Variants in RPS6KA5 observed in about 807,000 individuals in gnomAD.
The protein encoded by RPS6KA5 is ribosomal protein S6 kinase alpha-5.
A neutral mutation model predicts 85.5 loss-of-function variants in RPS6KA5; 27 were observed. The ratio of observed to expected loss-of-function variants is 0.32; its 90% CI spans 0.23 to 0.44. The LOEUF (loss-of-function observed/expected upper bound fraction) is 0.44. Among genes scored for constraint, RPS6KA5 ranks in the 20% least tolerant of loss-of-function variants. The pLI is 1.00. For missense variants in RPS6KA5, 811 were observed against 980.9 expected, an observed-to-expected ratio of 0.83 and a Z score of 2.31; for synonymous variants, 334 against 348.2, an observed-to-expected ratio of 0.96 and a Z score of 0.46.
rs182597319 is a variant in RPS6KA5, at chr14:90,988,209, T to C, written c.176-9685A>G. Among the ~76,000 whole-genome samples the C allele has an allele frequency of 3.3e-5, 5 of 152,370 alleles. No individual in the cohort carries two copies. The East Asian group carries it at 9.6e-4, about 29-fold the overall frequency. ...CCTTTGGTGGTTGTTATTTCTCTAT[T>C]TACTGCAGGACACATTTTAGGCTTT... On this transcript the variant is annotated intron_variant, in intron 2 of 16. Transcript: ENST00000614987.
intron 4 of RPS6KA5, among the ~76,000 whole-genome samples, chr14:90,946,696 C>T (rs890182626): frequency 3.2e-4 from 48 of 152,284 alleles, no homozygotes; most frequent in African/African-American, 1.1e-3. Context: ...TTAAAAATTA[C>T]TTGAGTACTT....
At chr14:90,996,295 T>G (rs1006142803) in intron 2 of RPS6KA5, among the ~76,000 whole-genome samples, 1 of 151,524 alleles carries the variant, frequency 6.6e-6, no homozygotes, top group African/African-American at 2.4e-5. Flanking sequence ...CCTCAGCCTC[T>G]CAAAGTGCTG....
At position 91,025,434 on chromosome 14, in the gene RPS6KA5, ACT is replaced by A. The variant is rs559244061; in HGVS notation, c.104-24277_104-24276del. On this transcript the variant is annotated intron_variant, in intron 1 of 16. Coordinates refer to ENST00000614987, the MANE Select transcript of RPS6KA5 (RefSeq NM_004755.4). The stretch of plus-strand genomic sequence containing the variant: ...GCAGAAGAGCCCTATGAAATTTGGT[ACT>A]GTTTTCCTTTCCCTAATTACATGTA... 2.2e-3 allele frequency among the ~76,000 whole-genome samples: 332 copies of A among 152,282 alleles called. 5 individuals are homozygous for A. The highest frequency in any genetic ancestry group is 7.7e-3 in the African/African-American group (318 of 41,564).
intron 3 of RPS6KA5, among the ~76,000 whole-genome samples, chr14:90,951,480 CA>C (rs774538620): frequency 8.6e-5 from 13 of 151,544 alleles, no homozygotes; most frequent in African/African-American, 2.9e-4. Context: ...ATCTCAACAA[CA>C]AAAAAACAAA....
intron 5 of RPS6KA5, among the ~76,000 whole-genome samples, chr14:90,927,490 T>C (rs576091050): frequency 2.1e-4 from 32 of 152,004 alleles, no homozygotes; most frequent in Admixed American, 1.4e-3. Flanking sequence ...CAAAGAAAGA[T>C]TGAAAGTAAA....
intron 2 of RPS6KA5, among the ~76,000 whole-genome samples, chr14:90,984,907 T>C (rs948309442): frequency 1.3e-5 from 2 of 152,218 alleles, no homozygotes; most frequent in African/African-American, 4.8e-5. Context: ...TTTGCAAAAT[T>C]TGAATTTATT....
At chr14:90,934,626 T>C (rs889267890) in intron 5 of RPS6KA5, among the ~76,000 whole-genome samples, 2 of 152,204 alleles carry the variant, frequency 1.3e-5, no homozygotes, top group African/African-American at 4.8e-5. Flanking sequence ...TTGTCCCTGC[T>C]TGTTCTGTGT....
At chr14:90,886,489 C>CT (rs1555357465) in intron 14 of RPS6KA5, among the ~76,000 whole-genome samples, 3 of 152,124 alleles carry the variant, frequency 2.0e-5, no homozygotes, top group Non-Finnish European at 4.4e-5. Context: ...AGGGAGGTAA[C>CT]TAAGGTTAAA....
intron 3 of RPS6KA5, among the ~76,000 whole-genome samples, chr14:90,969,174 T>TTGAAC (rs1307909675): frequency 6.6e-6 from 1 of 152,192 alleles, no homozygotes; most frequent in Non-Finnish European, 1.5e-5. Context: ...TTCTGAGAAT[T>TTGAAC]TGAACTGAAG....
chr14:90,983,969 G>C (rs140781751), intron 2 of RPS6KA5, among the ~76,000 whole-genome samples: 6 of 151,884 alleles, frequency 4.0e-5, no homozygotes, highest in Non-Finnish European at 7.4e-5. Flanking sequence ...CCCAGCCTCC[G>C]GATTAGCTGG....
chr14:90,962,161 T>G (rs2038829071), intron 3 of RPS6KA5, among the ~76,000 whole-genome samples: 1 of 152,190 alleles, frequency 6.6e-6, no homozygotes, highest in Admixed American at 6.5e-5. Flanking sequence ...CCCCTTGTGT[T>G]CCACGGGCTT....
In RPS6KA5 at chr14:90,857,293, G is replaced by A. The variant is rs2032330108; in HGVS notation, c.*14781C>T. The A allele has an allele frequency of 6.6e-6, 1 of 152,146 alleles. No individual in the cohort carries two copies. Among genetic ancestry groups the A allele is most frequent in the African/African-American group, 2.4e-5 (1 of 41,418 alleles). The allele number at this position is 152,146 out of a possible 1,614,324, so 9.4% of individuals were successfully genotyped here. A position where few individuals can be genotyped will look rare whatever the true frequency, so the allele number is the denominator to read the frequency against. ...ATTATATTTTTATCTTGGTAACACT[G>A]AAATTTATGCTATTCTGGAAGACAA... On this transcript the variant is annotated 3_prime_UTR_variant, in exon 17 of 17. Coordinates refer to ENST00000614987, the MANE Select transcript of RPS6KA5 (RefSeq NM_004755.4).
intron 4 of RPS6KA5, among the ~76,000 whole-genome samples, chr14:90,945,149 G>A (rs2037808018): frequency 6.6e-6 from 1 of 151,534 alleles, no homozygotes; most frequent in Non-Finnish European, 1.5e-5. Flanking sequence ...CTACTCAGGA[G>A]GCTGAGGTAG....
rs1213759973 is a variant in RPS6KA5, at chr14:90,848,919, G to A, written c.*23155C>T. On this transcript the variant is annotated 3_prime_UTR_variant, in exon 17 of 17. Coordinates refer to ENST00000614987, the MANE Select transcript of RPS6KA5 (RefSeq NM_004755.4). ...ACCTAGGGGGAAGGTGAGCTCCTGGGACATAAATACGCAGGGAAAGAACCT... is the reference window on the plus strand; with the variant it reads ...ACCTAGGGGGAAGGTGAGCTCCTGGAACATAAATACGCAGGGAAAGAACCT... 2 of 152,064 alleles carry A rather than the reference G, an allele frequency of 1.3e-5. No individual in the cohort carries two copies. The highest frequency in any genetic ancestry group is 4.8e-5 in the African/African-American group (2 of 41,390). The allele number at this position is 152,064 out of a possible 1,614,324, so 9.4% of individuals were successfully genotyped here. A position where few individuals can be genotyped will look rare whatever the true frequency, so the allele number is the denominator to read the frequency against.
chr14:90,899,754 T>C (rs1309954348), intron 11 of RPS6KA5, among the ~76,000 whole-genome samples: 2 of 152,218 alleles, frequency 1.3e-5, no homozygotes, highest in East Asian at 1.9e-4. Context: ...AAGCTATCAG[T>C]AGCTTGCTAA....
At position 90,891,630 on chromosome 14, in the gene RPS6KA5, T is replaced by TA. The variant is rs565299138; in HGVS notation, c.1645-953dup. Among the ~76,000 whole-genome samples, 387 of 152,288 alleles carry TA rather than the reference T, an allele frequency of 2.5e-3. 2 individuals are homozygous for TA. Among genetic ancestry groups the TA allele is most frequent in the Non-Finnish European group, 4.2e-3 (283 of 68,020 alleles). ...TTTGTTAATACTATTCTAGCTGAAA[T>TA]AAAACACATTATAGATGGTATCACT... On this transcript the variant is annotated intron_variant, in intron 13 of 16. Transcript: ENST00000614987.
Position 90,902,951 on chromosome 14 carries a change from A to C in RPS6KA5, c.976T>G (p.Leu326Val), listed in dbSNP as rs768059667. The change falls in exon 9 of 17, where the codon TTA becomes GTA. Residue 326 changes from leucine (L) to valine (V), a missense_variant. This residue lies in a region of RPS6KA5 where 650 missense variants were observed against 793.4 expected (regional missense o/e 0.82). Transcript: ENST00000614987. Reference protein sequence around the residue: ...LFFQKINWDDLAAKKVPAPFK... With the variant: ...LFFQKINWDDVAAKKVPAPFK... ...GGTGCAGGCACTTTTTTGGCGGCTAAATCATCCCAATTTATTTTCTAAAAC... is the reference window on the plus strand; with the variant it reads ...GGTGCAGGCACTTTTTTGGCGGCTACATCATCCCAATTTATTTTCTAAAAC... 1.2e-6 allele frequency: 2 copies of C among 1,611,828 alleles called. No homozygotes were observed. Among genetic ancestry groups the C allele is most frequent in the East Asian group, 2.2e-5 (1 of 44,834 alleles).
intron 5 of RPS6KA5, among the ~76,000 whole-genome samples, chr14:90,940,964 C>G (rs924592567): frequency 3.3e-5 from 5 of 152,174 alleles, no homozygotes; most frequent in Admixed American, 6.5e-5. Flanking sequence ...AAATGTCTCT[C>G]AGGAAACCAG....
Position 90,856,825 on chromosome 14 carries a change from TC to T in RPS6KA5, c.*15248del. The T allele has an allele frequency of 6.2e-6, 1 of 161,850 alleles. No individual in the cohort carries two copies. Among genetic ancestry groups the T allele is most frequent in the South Asian group, 1.8e-4 (1 of 5,500 alleles). 10.0% of individuals were successfully genotyped at this position (161,850 alleles called of 1,614,324 possible). ...CCTGTATACATTGTCACTCCCTATT[TC>T]CCCCTCCCACCAGCCCCTGAAAAAC... On this transcript the variant is annotated 3_prime_UTR_variant, in exon 17 of 17. Coordinates refer to ENST00000614987, the MANE Select transcript of RPS6KA5 (RefSeq NM_004755.4).
Sources: gnomAD v4.1 joint callset for allele counts (sites outside exome capture counted in the v4.1 genomes callset) on GRCh38, gnomAD v4.1.1 for gene constraint, gnomAD v4.1.1 regional missense constraint, MANE v1.5 for transcripts, NCBI Gene and HGNC (gene_info 2026-07-23, HGNC 2026-07-21) for gene names.